The following NCEH1 variants were observed in gnomAD, a reference collection of about 807,000 sequenced individuals.
The protein encoded by NCEH1 is neutral cholesterol ester hydrolase 1.
NCEH1 carries 9 observed loss-of-function variants against 25.4 expected under a neutral mutation model. The ratio of observed to expected loss-of-function variants is 0.35; its 90% CI spans 0.21 to 0.62. The LOEUF (loss-of-function observed/expected upper bound fraction) is 0.62, where lower values mean the gene tolerates loss of function less well. NCEH1 is among the 20% of genes least tolerant of loss of function. The pLI, the probability that NCEH1 is intolerant of heterozygous loss-of-function variation, is 0.72. For missense variants in NCEH1, 412 were observed against 501.1 expected (o/e 0.82, Z 1.70); for synonymous variants, 200 against 199.8 (o/e 1.00, Z -0.01).
At chr3:172,660,126 T>TC (rs1717903632) in intron 1 of NCEH1, among the ~76,000 whole-genome samples, 1 of 121,816 alleles carries the variant, frequency 8.2e-6, no homozygotes, top group Admixed American at 8.7e-5. Context: ...ATGCTATCCC[T>TC]CCCCCCTCCC....
chr3:172,654,292 A>C (rs12636868), intron 1 of NCEH1, among the ~76,000 whole-genome samples: 2 of 151,962 alleles, frequency 1.3e-5, no homozygotes, highest in African/African-American at 4.8e-5. Flanking sequence ...CCATCCACAA[A>C]ATGGAAGTAA....
chr3:172,700,791 G>A (rs1211324617), intron 1 of NCEH1, among the ~76,000 whole-genome samples: 3 of 152,046 alleles, frequency 2.0e-5, no homozygotes, highest in Non-Finnish European at 4.4e-5. Context: ...GATCTTGATG[G>A]TGTCCTTGAG....
chr3:172,637,248 C>T (rs1399158280), intron 3 of NCEH1, among the ~76,000 whole-genome samples: 1 of 152,078 alleles, frequency 6.6e-6, no homozygotes, highest in African/African-American at 2.4e-5. Context: ...AACGAAGAAA[C>T]TAAGGCATAC....
intron 1 of NCEH1, among the ~76,000 whole-genome samples, chr3:172,653,270 G>A (rs1373373700): frequency 2.0e-5 from 3 of 152,080 alleles, no homozygotes; most frequent in Non-Finnish European, 4.4e-5. Context: ...TCCCTACCCA[G>A]GTCTGATGGC....
chr3:172,695,567 T>C (rs1158159387), intron 1 of NCEH1, among the ~76,000 whole-genome samples: 1 of 152,218 alleles, frequency 6.6e-6, no homozygotes, highest in Non-Finnish European at 1.5e-5. Context: ...CTCAATTTCC[T>C]CATTTATAAT....
At chr3:172,665,764 C>T (rs930791096) in intron 1 of NCEH1, among the ~76,000 whole-genome samples, 2 of 152,232 alleles carry the variant, frequency 1.3e-5, no homozygotes, top group African/African-American at 2.4e-5. Context: ...GTGAGCAAGG[C>T]TCCATGGGTG....
At chr3:172,663,908 A>T (rs1224204102) in intron 1 of NCEH1, among the ~76,000 whole-genome samples, 1 of 151,782 alleles carries the variant, frequency 6.6e-6, no homozygotes, top group Admixed American at 6.6e-5. Context: ...GTCTTGATTT[A>T]TCTGATTTGC....
At position 172,632,243 on chromosome 3, in the gene NCEH1, A is replaced by G. The variant is rs1461147706; in HGVS notation, c.*1232T>C. On this transcript the variant is annotated 3_prime_UTR_variant, in exon 5 of 5. Coordinates refer to ENST00000475381, the MANE Select transcript of NCEH1 (RefSeq NM_020792.6). ...TATGCATATAAACACGAAAATATTT[A>G]TGCCTATGTTATAGTAGTATTAATA... 6.6e-6 allele frequency: 1 copy of G among 152,264 alleles called. No homozygotes were observed. The highest frequency in any genetic ancestry group is 1.5e-5 in the Non-Finnish European group (1 of 68,046). The allele number at this position is 152,264 out of a possible 1,614,324, so 9.4% of individuals were successfully genotyped here. A position where few individuals can be genotyped will look rare whatever the true frequency, so the allele number is the denominator to read the frequency against.
chr3:172,636,177 G>A, intron 3 of NCEH1, 90 bp from the exon 4 acceptor site: 34 of 714,042 alleles, frequency 4.8e-5, no homozygotes, highest in South Asian at 2.1e-4. Context: ...TTTTAAATCT[G>A]GAAATAGATA....
At chr3:172,679,417 G>A (rs75570593) in intron 1 of NCEH1, among the ~76,000 whole-genome samples, 3,811 of 152,122 alleles carry the variant, frequency 0.025, 149 homozygotes, top group African/African-American at 0.087. Context: ...CTTTGAAGAG[G>A]AACCTCTACT....
At chr3:172,645,929 C>T (rs1034858908) in intron 2 of NCEH1, among the ~76,000 whole-genome samples, 2 of 152,196 alleles carry the variant, frequency 1.3e-5, no homozygotes, top group African/African-American at 4.8e-5. Context: ...GAATATATTA[C>T]TATCTAAATA....
chr3:172,673,577 A>G (rs1031614806), intron 1 of NCEH1, among the ~76,000 whole-genome samples: 2 of 152,222 alleles, frequency 1.3e-5, no homozygotes, highest in African/African-American at 2.4e-5. Flanking sequence ...TATATCTCCT[A>G]TAAAATATTA....
At chr3:172,661,059 C>T (rs1471707396) in intron 1 of NCEH1, among the ~76,000 whole-genome samples, 3 of 152,002 alleles carry the variant, frequency 2.0e-5, no homozygotes, top group Non-Finnish European at 4.4e-5. Flanking sequence ...TGCCTATGTC[C>T]CTGAATGGTA....
intron 1 of NCEH1, among the ~76,000 whole-genome samples, chr3:172,675,646 C>T (rs1410879256): frequency 6.6e-6 from 1 of 152,184 alleles, no homozygotes; most frequent in African/African-American, 2.4e-5. Context: ...ACGTATTTCT[C>T]TCAATCATAC....
At chr3:172,675,850 T>C (rs1401476578) in intron 1 of NCEH1, among the ~76,000 whole-genome samples, 1 of 152,224 alleles carries the variant, frequency 6.6e-6, no homozygotes, top group Non-Finnish European at 1.5e-5. Flanking sequence ...AAGTCAGTTA[T>C]GGTCTACAGG....
At chr3:172,671,181 T>C (rs886107594) in intron 1 of NCEH1, among the ~76,000 whole-genome samples, 1 of 152,174 alleles carries the variant, frequency 6.6e-6, no homozygotes, top group African/African-American at 2.4e-5. Flanking sequence ...ACCCAATTAT[T>C]TTTTGGAGGT....
intron 1 of NCEH1, among the ~76,000 whole-genome samples, chr3:172,699,841 G>C (rs1274993768): frequency 6.6e-6 from 1 of 152,094 alleles, no homozygotes; most frequent in African/African-American, 2.4e-5. Context: ...ATTCCAGCCT[G>C]CGCCACAGAC....
intron 3 of NCEH1, among the ~76,000 whole-genome samples, chr3:172,637,374 A>G (rs1220192612): frequency 6.6e-6 from 1 of 152,236 alleles, no homozygotes; most frequent in Non-Finnish European, 1.5e-5. Flanking sequence ...TTTGATTTCC[A>G]TCTTATAATT....
intron 1 of NCEH1, among the ~76,000 whole-genome samples, chr3:172,676,419 T>C (rs776387950): frequency 2.6e-5 from 4 of 152,166 alleles, no homozygotes; most frequent in East Asian, 1.9e-4. Flanking sequence ...CAGAACATCA[T>C]GGCGATCCGT....
Sources: gnomAD v4.1 joint callset for allele counts (sites outside exome capture counted in the v4.1 genomes callset) on GRCh38, gnomAD v4.1.1 for gene constraint, MANE v1.5 for transcripts, NCBI Gene and HGNC (gene_info 2026-07-23, HGNC 2026-07-21) for gene names.